EMX1: variants seen among roughly 807,000 people sequenced by gnomAD.
EMX1 encodes empty spiracles homeobox 1.
A neutral mutation model predicts 20.1 loss-of-function variants in EMX1; 10 were observed. The observed-to-expected ratio is 0.50, with a 90% CI of 0.31 to 0.84. The LOEUF is 0.84. Among genes scored for constraint, EMX1 ranks in the 40% least tolerant of loss-of-function variants. EMX1 has a pLI of 0.05. For synonymous variants in EMX1, 250 were observed against 200.4 expected (o/e 1.25, Z -2.09); for missense variants, 424 against 431.9 (o/e 0.98, Z 0.16).
chr2:72,930,859 AGAAAG>A lies in EMX1; in HGVS notation c.706-2927_706-2923del, dbSNP rs1671269016. Among the ~76,000 whole-genome samples the A allele has an allele frequency of 6.6e-6, 1 of 152,256 alleles. No individual in the cohort carries two copies. Among genetic ancestry groups the A allele is most frequent in the Admixed American group, 6.5e-5 (1 of 15,290 alleles). Reference sequence around the variant, plus strand: ...TCTATTAAGGAAAATTCAGAAAAGTAGAAAGAAGAAAGAAACATCACCCACACTTT... The same window carrying A: ...TCTATTAAGGAAAATTCAGAAAAGTAAAGAAAGAAACATCACCCACACTTT... On this transcript the variant is annotated intron_variant, in intron 2 of 2. Coordinates refer to ENST00000258106, the MANE Select transcript of EMX1 (RefSeq NM_004097.3). This position sits in a 1 kb window ranked among gnomAD's most constrained non-coding sequence, Gnocchi z 4.4.
chr2:72,924,640 C>A, intron 2 of EMX1, 147 bp downstream of exon 2: 1 of 1,044,356 alleles, frequency 9.6e-7, no homozygotes, highest in Non-Finnish European at 1.3e-6. Context: ...TGCGGTCAAG[C>A]CCGTCTTTAG....
Position 72,917,726 on chromosome 2 carries a change from C to T in EMX1, c.-127C>T, listed in dbSNP as rs1670992533. On this transcript the variant is annotated 5_prime_UTR_variant, in exon 1 of 3. Transcript: ENST00000258106. ...CCGCCGCAGCAGCCGCCGCGCCTGG[C>T]CGTACGCTGTGGCCGGACCCCGCGG... 2.2e-6 allele frequency: 2 copies of T among 918,380 alleles called. No homozygotes were observed. The highest frequency in any genetic ancestry group is 8.2e-5 in the East Asian group (2 of 24,482). The allele number at this position is 918,380 out of a possible 1,614,324, so 56.9% of individuals were successfully genotyped here.
In EMX1 at chr2:72,917,914, G is replaced by A; in HGVS notation, c.62G>A (p.Arg21Lys). The stretch of plus-strand genomic sequence containing the variant: ...GCGCCAGGACGCGGAGCGCTCCCCA[G>A]AGCCCGGCTGCCTCGCACAGCTCCC... ...AAAPGRGALP[R>K]ARLPRTAPAA... Residue 21 changes from arginine (R) to lysine (K), a missense_variant, in exon 1 of 3, where the codon AGA becomes AAA. By Grantham distance (26) the Arg-to-Lys change is conservative. Around this residue, in one of 2 missense-constraint regions of EMX1, gnomAD observed 333 missense variants for 296.6 expected, o/e 1.12. Transcript: ENST00000258106. 1 of 1,484,042 alleles carries A rather than the reference G, an allele frequency of 6.7e-7. No homozygotes were observed. Among genetic ancestry groups the A allele is most frequent in the Non-Finnish European group, 8.9e-7 (1 of 1,124,922 alleles). The allele number at this position is 1,484,042 out of a possible 1,614,324, so 91.9% of individuals were successfully genotyped here. A position where few individuals can be genotyped will look rare whatever the true frequency, so the allele number is the denominator to read the frequency against.
Position 72,917,909 on chromosome 2 carries a change from C to T in EMX1, c.57C>T (p.Leu19=). 1 of 1,483,430 alleles carries T rather than the reference C, an allele frequency of 6.7e-7. No homozygotes were observed. The highest frequency in any genetic ancestry group is 8.9e-7 in the Non-Finnish European group (1 of 1,124,636). 91.9% of individuals were successfully genotyped at this position (1,483,430 alleles called of 1,614,324 possible). The change falls in exon 1 of 3, where the codon CTC becomes CTT. Residue 19 remains leucine, a synonymous_variant. Transcript: ENST00000258106. ...RKAAAPGRGA[L]PRARLPRTAP... is the part of the protein sequence containing the mutation. The stretch of plus-strand genomic sequence containing the variant: ...CGGCGGCGCCAGGACGCGGAGCGCT[C>T]CCCAGAGCCCGGCTGCCTCGCACAG...
upstream of EMX1, chr2:72,917,078 T>C: frequency 1.6e-6 from 1 of 639,858 alleles, no homozygotes; most frequent in Non-Finnish European, 2.9e-6. Context: ...AGTGGGAGAG[T>C]CCCGGAGAGC....
rs1476776429 is a variant in EMX1, at chr2:72,918,059, G to C, written c.207G>C (p.Leu69=). 3 of 1,415,496 alleles carry C rather than the reference G, an allele frequency of 2.1e-6. No individual in the cohort carries two copies. Among genetic ancestry groups the C allele is most frequent in the Non-Finnish European group, 9.1e-7 (1 of 1,094,638 alleles). 87.7% of individuals were successfully genotyped at this position (1,415,496 alleles called of 1,614,324 possible). A position where few individuals can be genotyped will look rare whatever the true frequency, so the allele number is the denominator to read the frequency against. The change falls in exon 1 of 3, where the codon CTG becomes CTC. Residue 69 remains leucine (L), a synonymous_variant. Transcript: ENST00000258106. ...TGGGGAGSHL[L]AAAASEEPLR... ...GCGGGGGCGCGGGCTCCCATCTCCT[G>C]GCGGCGGCCGCCTCCGAGGAACCGC...
chr2:72,926,686 G>A (rs1048210355), intron 2 of EMX1, among the ~76,000 whole-genome samples: 3 of 152,176 alleles, frequency 2.0e-5, no homozygotes, highest in Non-Finnish European at 4.4e-5. Flanking sequence ...AATGATTAAA[G>A]GTACCTCATA....
intron 2 of EMX1, 127 bp downstream of exon 2, chr2:72,924,620 C>G (rs1466866351): frequency 8.5e-7 from 1 of 1,172,754 alleles, no homozygotes; most frequent in Non-Finnish European, 1.2e-6. Flanking sequence ...GCCCCCATTC[C>G]CCGCGGCGCT....
chr2:72,916,311 C>A (rs2105257658), upstream of EMX1: 1 of 280,968 alleles, frequency 3.6e-6, no homozygotes, highest in Middle Eastern at 1.3e-3. Context: ...GAGGCCCAAC[C>A]CAGATCTGCG....
Position 72,930,266 on chromosome 2 carries a change from C to T in EMX1, c.706-3521C>T, listed in dbSNP as rs999494. Among the ~76,000 whole-genome samples the T allele has an allele frequency of 0.2, 31,043 of 152,004 alleles. 3,457 individuals are homozygous for T. Among genetic ancestry groups the T allele is most frequent in the South Asian group, 0.31 (1,487 of 4,820 alleles). On this transcript the variant is annotated intron_variant, in intron 2 of 2. Transcript: ENST00000258106. This position sits in a 1 kb window ranked among gnomAD's most constrained non-coding sequence, Gnocchi z 4.4. ...TCTCATAGTCTGGTGAGGAGGCAGACGTAAATAAATAAATTAGTGCACAGT... is the reference window on the plus strand; with the variant it reads ...TCTCATAGTCTGGTGAGGAGGCAGATGTAAATAAATAAATTAGTGCACAGT...
At chr2:72,924,650 G>A (rs577336966) in intron 2 of EMX1, among the ~76,000 whole-genome samples, 157 bp downstream of exon 2, 1 of 152,350 alleles carries the variant, frequency 6.6e-6, no homozygotes, top group African/African-American at 2.4e-5. Context: ...CCCGTCTTTA[G>A]AGCCTCTTCC....
At chr2:72,927,188 T>C (rs147588470) in intron 2 of EMX1, among the ~76,000 whole-genome samples, 81 of 152,378 alleles carry the variant, frequency 5.3e-4, no homozygotes, top group African/African-American at 1.9e-3. Context: ...TTTACCCATT[T>C]GTTCATTATC....
rs1670999758 is a variant in EMX1, at chr2:72,917,951, C to T, written c.99C>T (p.Thr33=). 1 of 1,486,734 alleles carries T rather than the reference C, an allele frequency of 6.7e-7. No homozygotes were observed. The highest frequency in any genetic ancestry group is 8.9e-7 in the Non-Finnish European group (1 of 1,126,234). The allele number at this position is 1,486,734 out of a possible 1,614,324, so 92.1% of individuals were successfully genotyped here. The change falls in exon 1 of 3, where the codon ACC becomes ACT. Residue 33 remains threonine (T), a synonymous_variant. Coordinates refer to ENST00000258106, the MANE Select transcript of EMX1 (RefSeq NM_004097.3). ...CTCGCACAGCTCCCGCGGCTGCGACCATGTTCCAGCCCGCGGCCAAGCGCG... is the reference window on the plus strand; with the variant it reads ...CTCGCACAGCTCCCGCGGCTGCGACTATGTTCCAGCCCGCGGCCAAGCGCG... ...RLPRTAPAAA[T]MFQPAAKRGF... is the part of the protein sequence containing the mutation.
rs747407890 is a variant in EMX1, at chr2:72,918,152, T to TGCCGCGGCC, written c.308_316dup (p.Ala103_Ala105dup). Reference sequence around the variant, plus strand: ...AGGCGGCCTTCGTGAGTGGCTTCCCTGCCGCGGCCGCCGCGGGCGCGGGCC... The same window carrying TGCCGCGGCC: ...AGGCGGCCTTCGTGAGTGGCTTCCCTGCCGCGGCCGCCGCGGCCGCCGCGGGCGCGGGCC... On this transcript the variant is annotated inframe_insertion, in exon 1 of 3. Transcript: ENST00000258106. 6.7e-6 allele frequency: 10 copies of TGCCGCGGCC among 1,500,038 alleles called. No individual in the cohort carries two copies. The highest frequency in any genetic ancestry group is 8.8e-6 in the Non-Finnish European group (10 of 1,138,378). The allele number at this position is 1,500,038 out of a possible 1,614,324, so 92.9% of individuals were successfully genotyped here.
In EMX1 at chr2:72,917,865, G is replaced by A; in HGVS notation, c.13G>A (p.Gly5Arg). 1 of 1,469,060 alleles carries A rather than the reference G, an allele frequency of 6.8e-7. No homozygotes were observed. Among genetic ancestry groups the A allele is most frequent in the South Asian group, 1.3e-5 (1 of 77,364 alleles). The allele number at this position is 1,469,060 out of a possible 1,614,324, so 91.0% of individuals were successfully genotyped here. MCLAGCTPRKAAAPG... is the reference protein window; with the variant it reads MCLARCTPRKAAAPG... ...CGGGCGGGTGTGCATGTGCCTGGCT[G>A]GGTGCACACCCCGCAAGGCGGCGGC... The change falls in exon 1 of 3, where the codon GGG becomes AGG. Residue 5 changes from glycine to arginine, a missense_variant. Gly to Arg is a moderately radical substitution (Grantham distance 125). Transcript: ENST00000258106.
chr2:72,916,796 G>A (rs565606061), upstream of EMX1: 144 of 717,340 alleles, frequency 2.0e-4, no homozygotes, highest in Non-Finnish European at 3.1e-4. Context: ...AGGCGAGGGG[G>A]TGGATCTCCC....
upstream of EMX1, chr2:72,916,613 G>A (rs529631022): frequency 7.4e-6 from 5 of 671,550 alleles, no homozygotes; most frequent in Non-Finnish European, 1.4e-5. Context: ...CCGCGGTCGC[G>A]GGTGGAAGGT....
chr2:72,917,057 G>A (rs1559055995), upstream of EMX1: 2 of 661,596 alleles, frequency 3.0e-6, no homozygotes, highest in East Asian at 2.7e-5. Context: ...CCAGGAGGCC[G>A]ATGGTGGGTG....
chr2:72,917,930 C>A lies in EMX1; in HGVS notation c.78C>A (p.Arg26=), dbSNP rs1670999053. 1 of 1,485,616 alleles carries A rather than the reference C, an allele frequency of 6.7e-7. No individual in the cohort carries two copies. Among genetic ancestry groups the A allele is most frequent in the South Asian group, 1.3e-5 (1 of 79,386 alleles). The allele number at this position is 1,485,616 out of a possible 1,614,324, so 92.0% of individuals were successfully genotyped here. ...RGALPRARLP[R]TAPAAATMFQ... ...CGCTCCCCAGAGCCCGGCTGCCTCG[C>A]ACAGCTCCCGCGGCTGCGACCATGT... Residue 26 remains arginine (R), a synonymous_variant, in exon 1 of 3, where the codon CGC becomes CGA. Transcript: ENST00000258106.
Sources: gnomAD v4.1 joint callset for allele counts (sites outside exome capture counted in the v4.1 genomes callset) on GRCh38, gnomAD v4.1.1 for gene constraint, gnomAD v4.1.1 regional missense constraint, Gnocchi (gnomAD v3.1) non-coding constraint, MANE v1.5 for transcripts, NCBI Gene and HGNC (gene_info 2026-07-23, HGNC 2026-07-21) for gene names.